The following SLC25A25 variants were observed in gnomAD, a reference collection of about 807,000 sequenced individuals.
The protein encoded by SLC25A25 is solute carrier family 25 member 25.
Under a neutral mutation model 57.7 loss-of-function variants are expected in SLC25A25, and 32 were observed. The observed-to-expected ratio is 0.55, with a 90% CI of 0.42 to 0.74. The LOEUF is 0.74. Ranked by LOEUF, SLC25A25 falls within the 30% of genes least tolerant of loss-of-function variation. SLC25A25 has a pLI of 0.00. For missense variants in SLC25A25, 556 were observed against 701.3 expected (o/e 0.79, Z 2.34); for synonymous variants, 306 against 291.2 (o/e 1.05, Z -0.52).
chr9:128,083,513 C>CTTTTTTTTTTTTTTTTTTTTTTTTTTTT (rs1315501906), intron 1 of SLC25A25, among the ~76,000 whole-genome samples: 2 of 117,454 alleles, frequency 1.7e-5, no homozygotes, highest in Non-Finnish European at 3.3e-5. Context: ...TTTCTTTTTT[C>CTTTTTTTTTTTTTTTTTTTTTTTTTTTT]TTTTTTTTTT....
rs1239158982 is a variant in SLC25A25 at position 128,102,172 on chromosome 9, G to A, written c.512+57G>A. 17 of 1,544,482 alleles carry A rather than the reference G, an allele frequency of 1.1e-5. No homozygotes were observed. Among genetic ancestry groups the A allele is most frequent in the South Asian group, 3.6e-5 (3 of 83,952 alleles). ...CTTGACTTCCATGCCTGATCAGAGC[G>A]GGATTCTTGTGGGCCATTATATTGC... On this transcript the variant is annotated intron_variant, in intron 4 of 10. Coordinates refer to ENST00000373069, the MANE Select transcript of SLC25A25 (RefSeq NM_001330988.2). The surrounding 1 kb of genome is among the most constrained non-coding windows in gnomAD (Gnocchi z 4.1).
intron 1 of SLC25A25, chr9:128,094,253 G>C (rs374088644): frequency 1.3e-5 from 2 of 152,234 alleles, no homozygotes; most frequent in Non-Finnish European, 2.9e-5. Context: ...CTGCTAGTGA[G>C]TCAGGTTCCT....
intron 6 of SLC25A25, among the ~76,000 whole-genome samples, chr9:128,105,474 A>AT (rs35096098): frequency 0.16 from 23,478 of 150,678 alleles, 1,966 homozygotes; most frequent in South Asian, 0.27. Flanking sequence ...CCCAGCCTTG[A>AT]TTTTTTTTTT....
rs894192140 is a variant in SLC25A25 at position 128,102,433 on chromosome 9, C to A, written c.576C>A (p.His192Gln). 1.2e-6 allele frequency: 2 copies of A among 1,613,882 alleles called. No individual in the cohort carries two copies. Among genetic ancestry groups the A allele is most frequent in the Middle Eastern group, 1.6e-4 (1 of 6,082 alleles). ...AGTGGAGAGACTACCACCTCCTCCA[C>A]CCCGTGGAAAACATCCCCGAGATCA... is the stretch of plus-strand genomic sequence containing the variant. ...WNEWRDYHLL[H>Q]PVENIPEIIL... The change falls in exon 5 of 11, where the codon CAC (histidine) becomes CAA (glutamine). Residue 192 changes from histidine to glutamine, a missense_variant. By Grantham distance (24) the His-to-Gln change is conservative. Coordinates refer to ENST00000373069, the MANE Select transcript of SLC25A25 (RefSeq NM_001330988.2). This position sits in a 1 kb window ranked among gnomAD's most constrained non-coding sequence, Gnocchi z 4.1.
intron 1 of SLC25A25, among the ~76,000 whole-genome samples, chr9:128,086,881 T>C (rs1833287731): frequency 6.6e-6 from 1 of 152,210 alleles, no homozygotes; most frequent in Non-Finnish European, 1.5e-5. Context: ...CCACAGTGTA[T>C]TGTTTTATTT....
rs1204844690 is a variant in SLC25A25, at chr9:128,068,319, G to A, written c.-1G>A. 2.8e-6 allele frequency: 4 copies of A among 1,424,454 alleles called. No homozygotes were observed. In the African/African-American group the frequency reaches 5.9e-5, roughly 21 times the overall value. The allele number at this position is 1,424,454 out of a possible 1,614,324, so 88.2% of individuals were successfully genotyped here. ...CGCCCGGAGCCCCTGCCTCGCGCCC[G>A]ATGGTGAGCAGTGTGTTGTGCCGCT... is the stretch of plus-strand genomic sequence containing the variant. On this transcript the variant is annotated 5_prime_UTR_variant, in exon 1 of 11. Transcript: ENST00000373069.
intron 1 of SLC25A25, among the ~76,000 whole-genome samples, chr9:128,072,965 A>C (rs983992945): frequency 6.6e-6 from 1 of 152,172 alleles, no homozygotes; most frequent in African/African-American, 2.4e-5. Flanking sequence ...GCTGGTGTTT[A>C]TTGCAGGTGA....
At chr9:128,096,612 G>T (rs535137625) in intron 1 of SLC25A25, among the ~76,000 whole-genome samples, 3 of 152,220 alleles carry the variant, frequency 2.0e-5, no homozygotes, top group Non-Finnish European at 4.4e-5. Context: ...ATCAAGCATG[G>T]TTATAAGTTT....
In SLC25A25 at chr9:128,107,695, G is replaced by A. The variant is rs1174318017; in HGVS notation, c.*251G>A. ...TTAGGGTCCAGGGTCAGCAGGCTCC[G>A]GGCTCACATGTGTAAGGACAGGACA... On this transcript the variant is annotated 3_prime_UTR_variant, in exon 11 of 11. Transcript: ENST00000373069. 11 of 432,092 alleles carry A rather than the reference G, an allele frequency of 2.5e-5. No homozygotes were observed. The highest frequency in any genetic ancestry group is 5.8e-4 in the Middle Eastern group (1 of 1,726). The allele number at this position is 432,092 out of a possible 1,614,324, so 26.8% of individuals were successfully genotyped here.
Position 128,107,379 on chromosome 9 carries a change from G to A in SLC25A25, c.1483G>A (p.Ala495Thr). Residue 495 changes from alanine (A) to threonine (T), a missense_variant, in exon 11 of 11, where the codon GCT (alanine) becomes ACT (threonine). Around this residue, in one of 3 missense-constraint regions of SLC25A25, gnomAD observed 294 missense variants for 389.6 expected, o/e 0.75. Coordinates refer to ENST00000373069, the MANE Select transcript of SLC25A25 (RefSeq NM_001330988.2). ...CCCCAACTTCATGAAGGTCATCCCA[G>A]CTGTGAGCATCAGCTACGTGGTCTA... ...LAPNFMKVIP[A>T]VSISYVVYEN... 1.3e-6 allele frequency: 2 copies of A among 1,513,146 alleles called. No homozygotes were observed. Among genetic ancestry groups the A allele is most frequent in the Non-Finnish European group, 8.9e-7 (1 of 1,129,574 alleles). 93.7% of individuals were successfully genotyped at this position (1,513,146 alleles called of 1,614,324 possible).
At position 128,105,623 on chromosome 9, in the gene SLC25A25, A is replaced by G. The variant is rs567855104; in HGVS notation, c.784-106A>G. 2,575 of 1,542,858 alleles carry G rather than the reference A, an allele frequency of 1.7e-3. 4 individuals are homozygous for G. Among genetic ancestry groups the G allele is most frequent in the Non-Finnish European group, 2.2e-3 (2,488 of 1,122,996 alleles). On this transcript the variant is annotated intron_variant, in intron 6 of 10. Transcript: ENST00000373069. ...CTTGTCTTCAAAATGCACGGAAGAA[A>G]GGGCCTTCCCTTTGGCCGCAGCCGG...
chr9:128,074,085 G>T (rs1832959426), intron 1 of SLC25A25, among the ~76,000 whole-genome samples: 1 of 151,594 alleles, frequency 6.6e-6, no homozygotes, highest in Non-Finnish European at 1.5e-5. Flanking sequence ...TGTCACCCAG[G>T]CTGGAGTGCG....
chr9:128,068,388 T>C lies in SLC25A25; in HGVS notation c.69T>C (p.Ser23=). Residue 23 remains serine (S), a synonymous_variant, in exon 1 of 11, where the codon TCT becomes TCC. Transcript: ENST00000373069. The part of the protein sequence containing the change: ...PPPDAAATAA[S]SSASSPASVG... The stretch of plus-strand genomic sequence containing the variant: ...CGGACGCCGCCGCCACCGCCGCCTC[T>C]TCGTCTGCCTCATCGCCGGCGTCCG... 1 of 1,556,102 alleles carries C rather than the reference T, an allele frequency of 6.4e-7. No individual in the cohort carries two copies. The highest frequency in any genetic ancestry group is 1.2e-5 in the South Asian group (1 of 86,468).
At chr9:128,077,466 G>A (rs1310908027) in intron 1 of SLC25A25, among the ~76,000 whole-genome samples, 1 of 145,282 alleles carries the variant, frequency 6.9e-6, no homozygotes, top group Non-Finnish European at 1.5e-5. Flanking sequence ...GCAGTGAGCC[G>A]AGATCGCGCC....
At chr9:128,098,851 C>T in intron 1 of SLC25A25, 4 of 1,507,630 alleles carry the variant, frequency 2.7e-6, no homozygotes, top group Non-Finnish European at 3.5e-6. Flanking sequence ...CAGTTTTTTC[C>T]CATTGCCATG....
chr9:128,072,722 GAAGAA>G (rs1490084582), intron 1 of SLC25A25, among the ~76,000 whole-genome samples: 2 of 152,204 alleles, frequency 1.3e-5, no homozygotes, highest in Non-Finnish European at 2.9e-5. Context: ...GTTCATTAAA[GAAGAA>G]AGAAAAAAGA....
chr9:128,084,164 A>G (rs1833223080), intron 1 of SLC25A25, among the ~76,000 whole-genome samples: 1 of 152,046 alleles, frequency 6.6e-6, no homozygotes. Flanking sequence ...AACGCGAAAA[A>G]CTAATTCAGG....
At position 128,099,150 on chromosome 9, in the gene SLC25A25, ACT is replaced by A; in HGVS notation, c.262-1942_262-1941del. 1.6e-6 allele frequency: 2 copies of A among 1,226,138 alleles called. No homozygotes were observed. Among genetic ancestry groups the A allele is most frequent in the South Asian group, 2.8e-5 (2 of 71,534 alleles). The allele number at this position is 1,226,138 out of a possible 1,614,324, so 76.0% of individuals were successfully genotyped here. A position where few individuals can be genotyped will look rare whatever the true frequency, so the allele number is the denominator to read the frequency against. Reference sequence around the variant, plus strand: ...GGTGAGGGAGCCTCCCGCCTTCTCGACTCTCAGACATCGCTGTGGAACAGGGC... The same window carrying A: ...GGTGAGGGAGCCTCCCGCCTTCTCGACTCAGACATCGCTGTGGAACAGGGC... On this transcript the variant is annotated intron_variant, in intron 1 of 10. Transcript: ENST00000373069. The surrounding 1 kb of genome is among the most constrained non-coding windows in gnomAD (Gnocchi z 6.8).
rs1833525865 is a variant in SLC25A25 at position 128,095,324 on chromosome 9, G to T, written c.262-5772G>T. Among the ~76,000 whole-genome samples, 1 of 152,192 alleles carries T rather than the reference G, an allele frequency of 6.6e-6. No homozygotes were observed. Among genetic ancestry groups the T allele is most frequent in the African/African-American group, 2.4e-5 (1 of 41,442 alleles). On this transcript the variant is annotated intron_variant, in intron 1 of 10. Transcript: ENST00000373069. This position sits in a 1 kb window ranked among gnomAD's most constrained non-coding sequence, Gnocchi z 4.4. ...ACAAGAACCCTGGGTGCAAGGCCCT[G>T]CCCTGCCCTTGACAGGCTTTGGGAA...
Sources: gnomAD v4.1 joint callset for allele counts (sites outside exome capture counted in the v4.1 genomes callset) on GRCh38, gnomAD v4.1.1 for gene constraint, gnomAD v4.1.1 regional missense constraint, Gnocchi (gnomAD v3.1) non-coding constraint, MANE v1.5 for transcripts, NCBI Gene and HGNC (gene_info 2026-07-23, HGNC 2026-07-21) for gene names.